The following GRM5 variants were observed in gnomAD, a reference collection of about 807,000 sequenced individuals.
The protein encoded by GRM5 is glutamate metabotropic receptor 5.
A neutral mutation model predicts 83.1 loss-of-function variants in GRM5; 19 were observed. The observed-to-expected ratio is 0.23, with a 90% CI of 0.16 to 0.34. The LOEUF is 0.34. GRM5 is among the 10% of genes least tolerant of loss of function. GRM5 has a pLI of 1.00. For missense variants in GRM5, 1,160 were observed against 1,588.3 expected (o/e 0.73, Z 4.58); for synonymous variants, 675 against 633.6 (o/e 1.07, Z -0.98).
At chr11:88,978,474 TAAAA>T (rs200343438) in intron 2 of GRM5, among the ~76,000 whole-genome samples, 2 of 97,980 alleles carry the variant, frequency 2.0e-5, no homozygotes, top group African/African-American at 3.7e-5. Context: ...CAGATGAGCT[TAAAA>T]AAAAAAAAAA....
intron 2 of GRM5, among the ~76,000 whole-genome samples, chr11:89,034,940 T>C (rs1214538828): frequency 1.3e-5 from 2 of 151,006 alleles, no homozygotes; most frequent in African/African-American, 2.4e-5. Flanking sequence ...TATTGCAAGC[T>C]TGATTTTTAG....
intron 2 of GRM5, among the ~76,000 whole-genome samples, chr11:88,882,248 G>GTAAGTAAATAAATAAATAAA (rs1555033917): frequency 1.4e-5 from 2 of 143,924 alleles, no homozygotes; most frequent in African/African-American, 5.2e-5. Flanking sequence ...AAATAAGTAA[G>GTAAGTAAATAAATAAATAAA]TAAATAAATA....
At chr11:88,809,882 A>G (rs2135496050) in intron 3 of GRM5, among the ~76,000 whole-genome samples, 1 of 152,246 alleles carries the variant, frequency 6.6e-6, no homozygotes, top group South Asian at 2.1e-4. Context: ...TTTAGCATAA[A>G]TATATCCCAT....
chr11:88,594,320 A>T (rs1016861893), intron 6 of GRM5, among the ~76,000 whole-genome samples: 11 of 152,210 alleles, frequency 7.2e-5, no homozygotes, highest in Non-Finnish European at 1.5e-4. Flanking sequence ...TTTTGTCTTG[A>T]TATAACAAGT....
chr11:88,725,232 G>T lies in GRM5; in HGVS notation c.912-71829C>A, dbSNP rs149239323. Among the ~76,000 whole-genome samples, 74 of 152,236 alleles carry T rather than the reference G, an allele frequency of 4.9e-4. 1 individual carries two copies. In the East Asian group the frequency reaches 0.012, roughly 25 times the overall value. ...GTCCACCATTATCAAGGCTTGAGTAGGTGGTTTTCCCCTCACAGTGTAAAC... is the reference window on the plus strand; with the variant it reads ...GTCCACCATTATCAAGGCTTGAGTATGTGGTTTTCCCCTCACAGTGTAAAC... On this transcript the variant is annotated intron_variant, in intron 3 of 9. Transcript: ENST00000305447.
At chr11:88,633,496 T>C (rs933764821) in intron 4 of GRM5, among the ~76,000 whole-genome samples, 28 of 152,200 alleles carry the variant, frequency 1.8e-4, no homozygotes, top group African/African-American at 5.5e-4. Context: ...TTCACATTTA[T>C]ATCTATAATT....
chr11:88,886,186 C>G (rs185778184), intron 2 of GRM5, among the ~76,000 whole-genome samples: 128 of 152,282 alleles, frequency 8.4e-4, no homozygotes, highest in African/African-American at 3.0e-3. Flanking sequence ...TTCTCTTTCT[C>G]TTCTCTTCGG....
At chr11:88,693,395 G>A (rs1565189420) in intron 3 of GRM5, among the ~76,000 whole-genome samples, 1 of 152,186 alleles carries the variant, frequency 6.6e-6, no homozygotes, top group Non-Finnish European at 1.5e-5. Context: ...CCTGGGAAAA[G>A]CCTTTCGAGG....
intron 2 of GRM5, among the ~76,000 whole-genome samples, chr11:88,856,690 G>A (rs149877812): frequency 0.01 from 1,571 of 151,940 alleles, 8 homozygotes; most frequent in Non-Finnish European, 0.015. Flanking sequence ...TTGTACAACG[G>A]ACATCACAGT....
intron 2 of GRM5, among the ~76,000 whole-genome samples, chr11:89,004,596 C>A (rs2135076436): frequency 6.6e-6 from 1 of 152,200 alleles, no homozygotes; most frequent in South Asian, 2.1e-4. Flanking sequence ...ATTTAGCAGT[C>A]CTAAGATGTT....
intron 2 of GRM5, among the ~76,000 whole-genome samples, chr11:88,976,859 C>CAA (rs57784199): frequency 0.028 from 4,222 of 149,010 alleles, 144 homozygotes; most frequent in African/African-American, 0.088. Flanking sequence ...TCTATAAATA[C>CAA]AAAAAAAAAA....
At chr11:88,913,217 T>C (rs2135613901) in intron 2 of GRM5, among the ~76,000 whole-genome samples, 1 of 152,278 alleles carries the variant, frequency 6.6e-6, no homozygotes, top group Non-Finnish European at 1.5e-5. Context: ...GCTCTAGGTG[T>C]GGTCTGATCA....
chr11:88,778,655 G>C lies in GRM5; in HGVS notation c.911+71251C>G, dbSNP rs539188457. ...AAACTATGAATTGGCTTATATTTGAGTCCTCTCACACTATAGTTTTATTAG... is the reference window on the plus strand; with the variant it reads ...AAACTATGAATTGGCTTATATTTGACTCCTCTCACACTATAGTTTTATTAG... On this transcript the variant is annotated intron_variant, in intron 3 of 9. Transcript: ENST00000305447. Among the ~76,000 whole-genome samples the C allele has an allele frequency of 6.6e-5, 10 of 152,250 alleles. 1 individual carries two copies. The South Asian group carries it at 1.9e-3, about 28-fold the overall frequency.
intron 1 of GRM5, among the ~76,000 whole-genome samples, chr11:89,060,266 G>GTATATATA (rs71046276): frequency 4.8e-5 from 7 of 146,994 alleles, no homozygotes; most frequent in African/African-American, 1.8e-4. Context: ...ATGGTAAATG[G>GTATATATA]TATATATATA....
intron 3 of GRM5, among the ~76,000 whole-genome samples, chr11:88,694,592 A>G (rs1232238605): frequency 3.9e-5 from 6 of 152,172 alleles, no homozygotes; most frequent in Middle Eastern, 3.4e-3. Flanking sequence ...ATGAGCTTGA[A>G]AAGTGTTAAA....
At chr11:88,935,882 A>T (rs4753778) in intron 2 of GRM5, among the ~76,000 whole-genome samples, 24,266 of 151,860 alleles carry the variant, frequency 0.16, 3,684 homozygotes, top group African/African-American at 0.39. Flanking sequence ...ATTAGTACAG[A>T]ATTTATTTGG....
At chr11:88,779,612 T>C (rs1942933845) in intron 3 of GRM5, among the ~76,000 whole-genome samples, 2 of 152,116 alleles carry the variant, frequency 1.3e-5, no homozygotes, top group Non-Finnish European at 2.9e-5. Flanking sequence ...GAAATTAATA[T>C]ACTCACACAC....
chr11:88,915,830 T>C (rs1398126383), intron 2 of GRM5, among the ~76,000 whole-genome samples: 3 of 152,178 alleles, frequency 2.0e-5, no homozygotes, highest in Non-Finnish European at 4.4e-5. Flanking sequence ...GAGGTTTTGT[T>C]GTGCAGACAT....
intron 3 of GRM5, among the ~76,000 whole-genome samples, chr11:88,837,137 A>C (rs1426488142): frequency 1.3e-5 from 2 of 152,172 alleles, no homozygotes; most frequent in African/African-American, 2.4e-5. Context: ...TTTCAGAATC[A>C]CCTTTAACTC....
Sources: allele counts gnomAD v4.1 joint callset (sites outside exome capture counted in the v4.1 genomes callset), GRCh38; gene constraint gnomAD v4.1.1; transcripts MANE v1.5; gene names NCBI Gene and HGNC (gene_info 2026-07-23, HGNC 2026-07-21).